The following PABIR3 variants were observed in gnomAD, a reference collection of about 807,000 sequenced individuals.
PABIR3 encodes PABIR family member 1.
In PABIR3, 20 loss-of-function variants were observed where a neutral mutation model predicts 23.1. The ratio of observed to expected loss-of-function variants is 0.86; its 90% confidence interval spans 0.61 to 1.26. PABIR3 has a LOEUF of 1.26. PABIR3 is among the 50% of genes most tolerant of loss of function. The probability of loss-of-function intolerance (pLI) is 0.00; values close to 1 mark genes in which losing one functional copy is unlikely to be tolerated. For synonymous variants in PABIR3, 69 were observed against 68.5 expected (o/e 1.01, Z -0.04); for missense variants, 189 against 195.4 (o/e 0.97, Z 0.20).
chrX:134,839,352 G>A (rs777912168), intron 4 of PABIR3: 1,337 of 129,227 alleles, frequency 0.01, 20 homozygotes, highest in African/African-American at 0.043. Context: ...CCGCGACCCC[G>A]TCTGGGAGGT....
At chrX:134,808,544 C>T (rs1472540033) in intron 2 of PABIR3, among the ~76,000 whole-genome samples, 1 of 111,459 alleles carries the variant, frequency 9.0e-6, no homozygotes, top group Non-Finnish European at 1.9e-5. Context: ...ACACTCCCGG[C>T]TAATTTTTTG....
At chrX:134,831,799 T>C (rs1039716483) in intron 4 of PABIR3, 3 of 111,651 alleles carry the variant, frequency 2.7e-5, no homozygotes, top group African/African-American at 9.8e-5. Flanking sequence ...TATTATTGAC[T>C]ATAGTCACCC....
At chrX:134,812,113 C>T in intron 2 of PABIR3, among the ~76,000 whole-genome samples, 1 of 112,601 alleles carries the variant, frequency 8.9e-6, no homozygotes, top group East Asian at 2.8e-4. Flanking sequence ...TCCAGTTATA[C>T]TACTTCTGCT....
At chrX:134,826,759 C>A (rs1418532102) in intron 3 of PABIR3, among the ~76,000 whole-genome samples, 1 of 110,705 alleles carries the variant, frequency 9.0e-6, no homozygotes. Flanking sequence ...ATTTTTACAA[C>A]CTTGGCTGTT....
At chrX:134,862,142 GTTTTTTTTTT>G in the PABIR3 span, among the ~76,000 whole-genome samples, 1 of 47,909 alleles carries the variant, frequency 2.1e-5, no homozygotes, top group Admixed American at 2.9e-4. Context: ...TTTATTGGCT[GTTTTTTTTTT>G]TTTTTTTTTT....
chrX:134,803,286 CT>C (rs1417047113), upstream of PABIR3, among the ~76,000 whole-genome samples: 1 of 111,379 alleles, frequency 9.0e-6, no homozygotes, highest in African/African-American at 3.3e-5. Context: ...TCTTTGTGCC[CT>C]AGGTCTCTCA....
chrX:134,858,561 T>G (rs1056909408), downstream of PABIR3, among the ~76,000 whole-genome samples: 3 of 112,017 alleles, frequency 2.7e-5, no homozygotes, highest in Non-Finnish European at 5.6e-5. Flanking sequence ...TGGGGAAAAC[T>G]AATTACAATT....
At chrX:134,814,242 C>T (rs976047861) in intron 2 of PABIR3, among the ~76,000 whole-genome samples, 1 of 111,413 alleles carries the variant, frequency 9.0e-6, no homozygotes, top group Admixed American at 9.6e-5. Context: ...ATTCATTCTC[C>T]GTAGCATGAT....
intron 10 of PABIR3, 44 bp from the exon 11 acceptor site, chrX:134,854,047 T>A: frequency 8.4e-7 from 1 of 1,189,227 alleles, no homozygotes; most frequent in Non-Finnish European, 1.1e-6. Flanking sequence ...TACAGAGAGA[T>A]CTCTTGAGTT....
At chrX:134,844,616 T>C (rs1016283621) in intron 4 of PABIR3, among the ~76,000 whole-genome samples, 1 of 112,125 alleles carries the variant, frequency 8.9e-6, no homozygotes, top group African/African-American at 3.2e-5. Context: ...TGATAACCAC[T>C]GTTAAGTTTC....
At position 134,828,010 on chromosome X, in the gene PABIR3, G is replaced by GCTCTCTCTCTCT. The variant is rs1167724649; in HGVS notation, c.190-1189_190-1178dup. The stretch of plus-strand genomic sequence containing the variant: ...TTCGATCTTCAGAGTCTAGCTCAGT[G>GCTCTCTCTCTCT]CTCTCTCTCTCTCTCTCTCTCTCTC... On this transcript the variant is annotated intron_variant, in intron 3 of 10. Coordinates refer to ENST00000645433, the MANE Select transcript of PABIR3 (RefSeq NM_001388447.1). 5.1e-4 allele frequency among the ~76,000 whole-genome samples: 31 copies of GCTCTCTCTCTCT among 61,293 alleles called. 1 individual carries two copies. Among genetic ancestry groups the GCTCTCTCTCTCT allele is most frequent in the African/African-American group, 2.1e-3 (31 of 14,877 alleles). The allele number at this position is 61,293 out of a possible 115,157, so 53.2% of individuals were successfully genotyped here.
intron 4 of PABIR3, among the ~76,000 whole-genome samples, 154 bp from the exon 5 acceptor site, chrX:134,845,051 G>A (rs1156502445): frequency 8.9e-6 from 1 of 111,773 alleles, no homozygotes; most frequent in Non-Finnish European, 1.9e-5. Flanking sequence ...AGCAATAAAG[G>A]GCAGAGAACC....
chrX:134,818,843 T>C (rs1307606566), intron 3 of PABIR3, among the ~76,000 whole-genome samples: 3 of 110,901 alleles, frequency 2.7e-5, no homozygotes, highest in Non-Finnish European at 5.7e-5. Flanking sequence ...ATAGTACATA[T>C]AGTCAGCAAC....
intron 3 of PABIR3, among the ~76,000 whole-genome samples, chrX:134,826,786 A>G (rs887722406): frequency 9.0e-6 from 1 of 111,377 alleles, no homozygotes; most frequent in African/African-American, 3.3e-5. Context: ...ACTTTCTAGC[A>G]AATGATTTGA....
intron 4 of PABIR3, among the ~76,000 whole-genome samples, chrX:134,838,319 GT>G (rs1218603190): frequency 0.013 from 1,318 of 102,448 alleles, 19 homozygotes; most frequent in African/African-American, 0.044. Context: ...CAAGATAAAT[GT>G]TTTTTTTTTT....
chrX:134,805,624 G>A (rs1010864550), upstream of PABIR3, among the ~76,000 whole-genome samples: 2 of 112,084 alleles, frequency 1.8e-5, no homozygotes, highest in Admixed American at 1.9e-4. Context: ...TAGGCCAGGC[G>A]TGGAGGCTCA....
At chrX:134,825,455 A>G (rs2081462912) in intron 3 of PABIR3, among the ~76,000 whole-genome samples, 1 of 112,319 alleles carries the variant, frequency 8.9e-6, no homozygotes, top group Non-Finnish European at 1.9e-5. Flanking sequence ...GTTGTTCATA[A>G]CACTATTGCC....
chrX:134,798,587 T>C (rs2079976712), intron 1 of PABIR3, among the ~76,000 whole-genome samples: 1 of 112,329 alleles, frequency 8.9e-6, no homozygotes, highest in South Asian at 3.7e-4. Context: ...TCTTTGACAC[T>C]GGGGCTGAGG....
chrX:134,821,912 C>A lies in PABIR3; in HGVS notation c.189+7063C>A, dbSNP rs968858913. The A allele has an allele frequency of 2.0e-5, 15 of 757,445 alleles. No individual in the cohort carries two copies. The African/African-American group carries it at 3.2e-4, about 16-fold the overall frequency. 62.4% of individuals were successfully genotyped at this position (757,445 alleles called of 1,213,427 possible). A position where few individuals can be genotyped will look rare whatever the true frequency, so the allele number is the denominator to read the frequency against. On this transcript the variant is annotated intron_variant, in intron 3 of 10. Coordinates refer to ENST00000645433, the MANE Select transcript of PABIR3 (RefSeq NM_001388447.1). ...AGGAAATGGCTTAAAAACAGCAAAC[C>A]TAGGAAAATGAAAAATAATTTTTAA...
Sources: gnomAD v4.1 joint callset for allele counts (sites outside exome capture counted in the v4.1 genomes callset) on GRCh38, gnomAD v4.1.1 for gene constraint, MANE v1.5 for transcripts, NCBI Gene and HGNC (gene_info 2026-07-23, HGNC 2026-07-21) for gene names.